Variants in PDE10A observed in about 807,000 individuals in gnomAD.
PDE10A encodes phosphodiesterase 10A.
In PDE10A, 39 loss-of-function variants were observed where a neutral mutation model predicts 97.7. That is an observed-to-expected ratio of 0.40 (90% CI 0.31 to 0.52). The LOEUF is 0.52. Among genes scored for constraint, PDE10A ranks in the 20% least tolerant of loss-of-function variants. The pLI is 0.56. For missense variants in PDE10A, 731 were observed against 1,047.8 expected (o/e 0.70, Z 4.17); for synonymous variants, 371 against 376.8 (o/e 0.98, Z 0.18).
chr6:165,927,572 G>C (rs968897437), intron 1 of PDE10A, among the ~76,000 whole-genome samples: 3 of 146,422 alleles, frequency 2.0e-5, no homozygotes, highest in Admixed American at 6.9e-5. Context: ...GATTGGGAAA[G>C]TCTTGTATTT....
At chr6:165,682,149 T>C (rs1274447554) in intron 1 of PDE10A, among the ~76,000 whole-genome samples, 1 of 152,216 alleles carries the variant, frequency 6.6e-6, no homozygotes, top group Non-Finnish European at 1.5e-5. Context: ...GTTGTCTTTT[T>C]AAGTTACGGT....
intron 1 of PDE10A, among the ~76,000 whole-genome samples, chr6:165,777,629 G>A (rs1778222874): frequency 1.3e-5 from 2 of 152,224 alleles, no homozygotes; most frequent in East Asian, 1.9e-4. Context: ...GGAAAATGCC[G>A]GCTGAGCAAA....
At chr6:165,564,915 TA>T (rs1784700486) in intron 1 of PDE10A, among the ~76,000 whole-genome samples, 1 of 152,186 alleles carries the variant, frequency 6.6e-6, no homozygotes, top group Non-Finnish European at 1.5e-5. Context: ...GTGCTTATAA[TA>T]AAAATCTGCC....
At chr6:165,913,050 G>C (rs970022482) in intron 1 of PDE10A, among the ~76,000 whole-genome samples, 3 of 152,082 alleles carry the variant, frequency 2.0e-5, no homozygotes, top group African/African-American at 7.2e-5. Flanking sequence ...TTCCACACCT[G>C]ACCTCATGTG....
chr6:165,494,904 T>C (rs1485809261), intron 2 of PDE10A, among the ~76,000 whole-genome samples: 2 of 152,052 alleles, frequency 1.3e-5, no homozygotes, highest in African/African-American at 4.8e-5. Flanking sequence ...TCAATTTGCC[T>C]TTCAGGCTGT....
At chr6:165,815,847 G>A (rs765668521) in intron 1 of PDE10A, among the ~76,000 whole-genome samples, 13 of 152,188 alleles carry the variant, frequency 8.5e-5, no homozygotes, top group Non-Finnish European at 1.6e-4. Context: ...CTGTGGTCCA[G>A]GGTGTGGAAG....
At chr6:165,985,419 T>C (rs1349505338) in intron 1 of PDE10A, among the ~76,000 whole-genome samples, 5 of 152,208 alleles carry the variant, frequency 3.3e-5, no homozygotes, top group Admixed American at 1.3e-4. Context: ...CAGTTTCTCA[T>C]TGGTGTTATT....
chr6:165,376,207 G>A (rs1393007743), intron 18 of PDE10A, among the ~76,000 whole-genome samples: 1 of 152,200 alleles, frequency 6.6e-6, no homozygotes, highest in African/African-American at 2.4e-5. Flanking sequence ...AGATGCCATT[G>A]AGAACATTCA....
chr6:165,577,380 C>A (rs1169549586), intron 1 of PDE10A, among the ~76,000 whole-genome samples: 1 of 152,196 alleles, frequency 6.6e-6, no homozygotes, highest in East Asian at 1.9e-4. Flanking sequence ...CCATGCCCGG[C>A]TGGCATTCCA....
At chr6:165,796,328 C>T (rs1484596436) in intron 1 of PDE10A, among the ~76,000 whole-genome samples, 12 of 152,176 alleles carry the variant, frequency 7.9e-5, no homozygotes, top group African/African-American at 1.7e-4. Context: ...CCTCATGATC[C>T]GCCCGCCTCA....
intron 10 of PDE10A, among the ~76,000 whole-genome samples, chr6:165,426,248 TGA>T (rs1789159014): frequency 6.6e-6 from 1 of 152,138 alleles, no homozygotes; most frequent in Non-Finnish European, 1.5e-5. Flanking sequence ...AAAAGAATCT[TGA>T]AAAGTTAGGG....
At chr6:165,367,889 G>T (rs1756810342) in intron 18 of PDE10A, among the ~76,000 whole-genome samples, 1 of 152,092 alleles carries the variant, frequency 6.6e-6, no homozygotes, top group Admixed American at 6.5e-5. Flanking sequence ...GAGGTTATTT[G>T]GGCTCAAATG....
At chr6:165,774,162 T>A (rs1433047216) in intron 1 of PDE10A, among the ~76,000 whole-genome samples, 2 of 152,154 alleles carry the variant, frequency 1.3e-5, no homozygotes, top group African/African-American at 4.8e-5. Context: ...AAAGTCAATG[T>A]AAAGTGAAAG....
chr6:165,984,491 G>T (rs1785120991), intron 1 of PDE10A, among the ~76,000 whole-genome samples: 1 of 152,112 alleles, frequency 6.6e-6, no homozygotes, highest in African/African-American at 2.4e-5. Context: ...CATAATAATG[G>T]TTTCAGTTCC....
intron 1 of PDE10A, among the ~76,000 whole-genome samples, chr6:165,938,217 A>G (rs1783397854): frequency 6.6e-6 from 1 of 152,214 alleles, no homozygotes; most frequent in South Asian, 2.1e-4. Context: ...CAGGTCACCA[A>G]CAGAGCAGCT....
intron 13 of PDE10A, among the ~76,000 whole-genome samples, chr6:165,409,285 G>T (rs1477981996): frequency 2.7e-5 from 4 of 147,350 alleles, no homozygotes; most frequent in African/African-American, 1.0e-4. Flanking sequence ...GGTGGCTCAC[G>T]CCTGTAATCC....
At chr6:165,717,719 C>T (rs530238172) in intron 1 of PDE10A, among the ~76,000 whole-genome samples, 6 of 152,196 alleles carry the variant, frequency 3.9e-5, no homozygotes, top group South Asian at 2.1e-4. Flanking sequence ...CTGTTTCCTG[C>T]GATGGTTGCA....
chr6:165,684,910 C>A, intron 1 of PDE10A, among the ~76,000 whole-genome samples: 1 of 152,090 alleles, frequency 6.6e-6, no homozygotes. Flanking sequence ...TTGTGAAAAC[C>A]AGGAAGTGGA....
At chr6:165,854,923 T>C (rs543097389) in intron 1 of PDE10A, among the ~76,000 whole-genome samples, 56 of 152,092 alleles carry the variant, frequency 3.7e-4, no homozygotes, top group African/African-American at 1.2e-3. Flanking sequence ...GCGGGAAGGT[T>C]TGTGAGGCGG....
Sources: gnomAD v4.1 joint callset for allele counts (sites outside exome capture counted in the v4.1 genomes callset) on GRCh38, gnomAD v4.1.1 for gene constraint, MANE v1.5 for transcripts, NCBI Gene and HGNC (gene_info 2026-07-23, HGNC 2026-07-21) for gene names.